The following PXMP4 variants were observed in gnomAD, a reference collection of about 807,000 sequenced individuals.
The protein encoded by PXMP4 is peroxisomal membrane protein 4, also known as 24 kDa peroxisomal intrinsic membrane protein.
PXMP4 carries 16 observed loss-of-function variants against 21.6 expected under a neutral mutation model. The observed-to-expected ratio is 0.74, with a 90% CI of 0.50 to 1.13. The LOEUF (loss-of-function observed/expected upper bound fraction) is 1.13, where lower values mean the gene tolerates loss of function less well. Among genes scored for constraint, PXMP4 ranks in the 50% most tolerant of loss-of-function variants. The pLI is 0.00. For missense variants in PXMP4, 240 were observed against 277.7 expected, an observed-to-expected ratio of 0.86 and a Z score of 0.96; for synonymous variants, 127 against 123.8, an observed-to-expected ratio of 1.03 and a Z score of -0.17.
At position 33,720,227 on chromosome 20, in the gene PXMP4, G is replaced by A. The variant is rs1402719183; in HGVS notation, c.-20C>T. On this transcript the variant is annotated 5_prime_UTR_variant, in exon 1 of 4. Coordinates refer to ENST00000409299, the MANE Select transcript of PXMP4 (RefSeq NM_007238.5). ...TGCCATAGTGCGGGCTGCGCGCAGG[G>A]TCGGGGTTAGGAACTGTAAGCGCAC... is the stretch of plus-strand genomic sequence containing the variant. The A allele has an allele frequency of 3.8e-6, 6 of 1,596,216 alleles. No homozygotes were observed. The highest frequency in any genetic ancestry group is 5.1e-6 in the Non-Finnish European group (6 of 1,171,156).
chr20:33,705,918 TTTC>T lies in PXMP4; in HGVS notation c.*1785_*1787del, dbSNP rs1264550228. On this transcript the variant is annotated 3_prime_UTR_variant, in exon 4 of 4. Coordinates refer to ENST00000409299, the MANE Select transcript of PXMP4 (RefSeq NM_007238.5). ...CTCTCCTCTCTGATTCTCAGTTTCT[TTTC>T]TTTTCTTTTTTTATTTTTTTTTTAG... 6.6e-6 allele frequency: 1 copy of T among 152,040 alleles called. No homozygotes were observed. Among genetic ancestry groups the T allele is most frequent in the East Asian group, 1.9e-4 (1 of 5,174 alleles). 9.4% of individuals were successfully genotyped at this position (152,040 alleles called of 1,614,324 possible).
intron 3 of PXMP4, among the ~76,000 whole-genome samples, chr20:33,708,375 T>C (rs1307240479): frequency 3.3e-5 from 5 of 151,656 alleles, no homozygotes; most frequent in Non-Finnish European, 1.5e-5. Flanking sequence ...TTAGTAGAGA[T>C]AGGGTTTCAA....
At chr20:33,716,499 G>A (rs2018384899) in intron 1 of PXMP4, among the ~76,000 whole-genome samples, 1 of 152,186 alleles carries the variant, frequency 6.6e-6, no homozygotes, top group Admixed American at 6.6e-5. Context: ...CTAGGTTTGA[G>A]CAATTTTTCA....
chr20:33,716,907 T>C (rs1179984523), intron 1 of PXMP4, among the ~76,000 whole-genome samples: 1 of 152,138 alleles, frequency 6.6e-6, no homozygotes. Flanking sequence ...TTTGTAAAAA[T>C]GCATTTATAA....
Position 33,705,603 on chromosome 20 carries a change from T to C in PXMP4, c.*2103A>G, listed in dbSNP as rs1419672412. ...CTGGGCGAGAGAGCAAGACTCTGTC[T>C]CAAAAAAAAAAAAAAAAGAAAAAAT... On this transcript the variant is annotated 3_prime_UTR_variant, in exon 4 of 4. Coordinates refer to ENST00000409299, the MANE Select transcript of PXMP4 (RefSeq NM_007238.5). The C allele has an allele frequency of 8.3e-6, 1 of 120,438 alleles. No individual in the cohort carries two copies. Among genetic ancestry groups the C allele is most frequent in the Admixed American group, 8.7e-5 (1 of 11,558 alleles). The allele number at this position is 120,438 out of a possible 1,614,324, so 7.5% of individuals were successfully genotyped here. A position where few individuals can be genotyped will look rare whatever the true frequency, so the allele number is the denominator to read the frequency against.
rs1812116457 is a variant in PXMP4 at position 33,704,108 on chromosome 20, C to G, written c.*3598G>C. The G allele has an allele frequency of 6.6e-6, 1 of 152,246 alleles. No homozygotes were observed. The highest frequency in any genetic ancestry group is 2.4e-5 in the African/African-American group (1 of 41,426). The allele number at this position is 152,246 out of a possible 1,614,324, so 9.4% of individuals were successfully genotyped here. The stretch of plus-strand genomic sequence containing the variant: ...GGACGTGGTTTCAGGATGATTCAAG[C>G]ACATTGCATTTACTGTGGATTTTAT... On this transcript the variant is annotated 3_prime_UTR_variant, in exon 4 of 4. Coordinates refer to ENST00000409299, the MANE Select transcript of PXMP4 (RefSeq NM_007238.5).
intron 1 of PXMP4, among the ~76,000 whole-genome samples, chr20:33,715,212 C>G (rs906122630): frequency 5.9e-5 from 9 of 152,212 alleles, no homozygotes; most frequent in African/African-American, 2.2e-4. Flanking sequence ...GCAATCTTGG[C>G]TCACTGCAGC....
Position 33,715,841 on chromosome 20 carries a change from C to CT in PXMP4, c.114-1106dup, listed in dbSNP as rs11475452. On this transcript the variant is annotated intron_variant, in intron 1 of 3. Coordinates refer to ENST00000409299, the MANE Select transcript of PXMP4 (RefSeq NM_007238.5). ...CTGACGTTCTCACTGCAGCCAGTCT[C>CT]TTTTTTTTTTTTTTTTTTTTGAGAC... is the stretch of plus-strand genomic sequence containing the variant. Among the ~76,000 whole-genome samples the CT allele has an allele frequency of 3.0e-3, 374 of 123,864 alleles. 1 individual carries two copies. The highest frequency in any genetic ancestry group is 6.1e-3 in the Admixed American group (70 of 11,540). 81.3% of individuals were successfully genotyped at this position (123,864 alleles called of 152,430 possible).
intron 3 of PXMP4, among the ~76,000 whole-genome samples, chr20:33,708,691 T>A (rs2018290733): frequency 6.7e-6 from 1 of 150,210 alleles, no homozygotes; most frequent in African/African-American, 2.5e-5. Context: ...ATGGTAAAAT[T>A]TTTTTTTCTT....
intron 1 of PXMP4, among the ~76,000 whole-genome samples, chr20:33,717,379 G>A (rs1487579461): frequency 2.6e-5 from 4 of 151,760 alleles, no homozygotes; most frequent in African/African-American, 4.8e-5. Flanking sequence ...GGTGGCTCAC[G>A]CCTGTAATCC....
At chr20:33,712,783 G>A (rs546326400) in intron 2 of PXMP4, among the ~76,000 whole-genome samples, 12 of 152,248 alleles carry the variant, frequency 7.9e-5, no homozygotes, top group East Asian at 7.7e-4. Flanking sequence ...GGTGTGCGCC[G>A]CCAAGCCCAG....
At chr20:33,710,087 AC>A (rs1361401276) in intron 3 of PXMP4, among the ~76,000 whole-genome samples, 1 of 83,340 alleles carries the variant, frequency 1.2e-5, no homozygotes, top group African/African-American at 4.8e-5. Flanking sequence ...ACTGAACCAC[AC>A]CCCTTCCCCG....
intron 2 of PXMP4, among the ~76,000 whole-genome samples, chr20:33,711,771 C>A (rs2018328426): frequency 6.6e-6 from 1 of 151,984 alleles, no homozygotes; most frequent in Non-Finnish European, 1.5e-5. Context: ...ACGGGCAGAT[C>A]CCTTGAGCCC....
At chr20:33,712,337 G>A (rs1043910338) in intron 2 of PXMP4, among the ~76,000 whole-genome samples, 3 of 152,172 alleles carry the variant, frequency 2.0e-5, no homozygotes, top group Admixed American at 6.5e-5. Flanking sequence ...GTCCAAGCCC[G>A]ACATTTGCTC....
chr20:33,710,675 G>A lies in PXMP4; in HGVS notation c.255C>T (p.Tyr85=), dbSNP rs2088274097. 6 of 1,613,816 alleles carry A rather than the reference G, an allele frequency of 3.7e-6. No individual in the cohort carries two copies. The highest frequency in any genetic ancestry group is 5.1e-6 in the Non-Finnish European group (6 of 1,179,938). Residue 85 remains tyrosine (Y), a synonymous_variant, in exon 3 of 4, where the codon TAC becomes TAT. Coordinates refer to ENST00000409299, the MANE Select transcript of PXMP4 (RefSeq NM_007238.5). Reference sequence around the variant, plus strand: ...AGGACTGCAGGGCACGGAGACCCTTGTAGGTGAACACAAACCGTGCCAGGT... The same window carrying A: ...AGGACTGCAGGGCACGGAGACCCTTATAGGTGAACACAAACCGTGCCAGGT... ...SWNLARFVFT[Y]KGLRALQSYI...
Position 33,711,326 on chromosome 20 carries a change from T to A in PXMP4, c.177-573A>T, listed in dbSNP as rs1601205179. Among the ~76,000 whole-genome samples the A allele has an allele frequency of 2.6e-5, 4 of 152,242 alleles. No homozygotes were observed. In the South Asian group the frequency reaches 6.2e-4, roughly 24 times the overall value. On this transcript the variant is annotated intron_variant, in intron 2 of 3. Coordinates refer to ENST00000409299, the MANE Select transcript of PXMP4 (RefSeq NM_007238.5). The stretch of plus-strand genomic sequence containing the variant: ...ACCTTGACAAGAGATGGCGCTGGGA[T>A]CTTCCCGATGAGGAGGTCAAGAGGG...
chr20:33,716,750 T>C (rs898592598), intron 1 of PXMP4, among the ~76,000 whole-genome samples: 1 of 152,176 alleles, frequency 6.6e-6, no homozygotes, highest in African/African-American at 2.4e-5. Flanking sequence ...GAACACCCCT[T>C]ACCCATGACA....
chr20:33,713,557 C>A (rs2018354032), intron 2 of PXMP4, among the ~76,000 whole-genome samples: 1 of 152,122 alleles, frequency 6.6e-6, no homozygotes, highest in Admixed American at 6.6e-5. Context: ...TTTCTGCCAC[C>A]CCCTGCTAGA....
chr20:33,709,370 G>A (rs940588459), intron 3 of PXMP4, among the ~76,000 whole-genome samples: 8 of 152,136 alleles, frequency 5.3e-5, no homozygotes, highest in Non-Finnish European at 1.0e-4. Flanking sequence ...TAACAAAAGC[G>A]AAGTTTAACC....
Sources: gnomAD v4.1 joint callset for allele counts (sites outside exome capture counted in the v4.1 genomes callset) on GRCh38, gnomAD v4.1.1 for gene constraint, MANE v1.5 for transcripts, NCBI Gene and HGNC (gene_info 2026-07-23, HGNC 2026-07-21) for gene names.